The following DPP6 variants were observed in gnomAD, a reference collection of about 807,000 sequenced individuals.
DPP6 encodes dipeptidyl peptidase like 6.
A neutral mutation model predicts 122.6 loss-of-function variants in DPP6; 69 were observed. The ratio of observed to expected loss-of-function variants is 0.56; its 90% CI spans 0.46 to 0.69. DPP6 has a LOEUF of 0.69. DPP6 is among the 30% of genes least tolerant of loss of function. DPP6 has a pLI of 0.00. For missense variants in DPP6, 928 were observed against 1,116.9 expected (o/e 0.83, Z 2.41); for synonymous variants, 418 against 433.1 (o/e 0.97, Z 0.43).
At chr7:154,813,017 A>C (rs1161533821) in intron 16 of DPP6, among the ~76,000 whole-genome samples, 1 of 152,132 alleles carries the variant, frequency 6.6e-6, no homozygotes, top group Non-Finnish European at 1.5e-5. Flanking sequence ...ATACAAACCT[A>C]AAAATTATTT....
the DPP6 span, among the ~76,000 whole-genome samples, chr7:153,804,944 C>CCT: frequency 6.6e-6 from 1 of 152,058 alleles, no homozygotes; most frequent in African/African-American, 2.4e-5. Flanking sequence ...TGACATCAAT[C>CCT]CTGACATTGT....
intron 2 of DPP6, among the ~76,000 whole-genome samples, chr7:154,463,025 G>A (rs553854316): frequency 1.2e-4 from 18 of 151,710 alleles, no homozygotes; most frequent in African/African-American, 3.9e-4. Flanking sequence ...CCAAATATAA[G>A]ATCATATTAT....
At chr7:154,361,914 A>G (rs1457251976) in intron 1 of DPP6, among the ~76,000 whole-genome samples, 1 of 152,224 alleles carries the variant, frequency 6.6e-6, no homozygotes. Flanking sequence ...TGCTGAGTTT[A>G]GGGTCTGCAG....
chr7:153,920,857 C>G (rs1800606765), intron 1 of DPP6, among the ~76,000 whole-genome samples: 1 of 152,096 alleles, frequency 6.6e-6, no homozygotes, highest in Non-Finnish European at 1.5e-5. Flanking sequence ...CCGCGCCTGG[C>G]CCTTTCTTAC....
chr7:154,264,016 T>TTTTC (rs774003185), intron 1 of DPP6, among the ~76,000 whole-genome samples: 11 of 152,184 alleles, frequency 7.2e-5, no homozygotes, highest in Non-Finnish European at 8.8e-5. Flanking sequence ...CTTGGAGGTC[T>TTTTC]GTGGGAACTG....
intron 2 of DPP6, among the ~76,000 whole-genome samples, chr7:154,471,458 G>A (rs1822268186): frequency 6.6e-6 from 1 of 152,080 alleles, no homozygotes; most frequent in African/African-American, 2.4e-5. Context: ...TGGTTTTCAT[G>A]AGAGACCAGG....
At chr7:153,864,670 AATACACAC>A in the DPP6 span, among the ~76,000 whole-genome samples, 1 of 100,504 alleles carries the variant, frequency 9.9e-6, no homozygotes, top group Admixed American at 1.2e-4. Flanking sequence ...AAATAATAAT[AATACACAC>A]ACACACACAC....
chr7:154,177,436 T>C (rs1797860079), intron 1 of DPP6, among the ~76,000 whole-genome samples: 1 of 152,154 alleles, frequency 6.6e-6, no homozygotes, highest in Non-Finnish European at 1.5e-5. Flanking sequence ...GATTTTAAAA[T>C]ATGGGAGTCA....
rs904262753 is a variant in DPP6 at position 154,852,285 on chromosome 7, C to G, written c.1667-1495C>G. On this transcript the variant is annotated intron_variant, in intron 16 of 25. Coordinates refer to ENST00000377770, the MANE Select transcript of DPP6 (RefSeq NM_130797.4). ...GCCCAAGATAGTGTGCATGCTTCAG[C>G]TTTGCTGTGGCCACCCCTTGTGAGT... is the stretch of plus-strand genomic sequence containing the variant. Among the ~76,000 whole-genome samples, 47 of 152,186 alleles carry G rather than the reference C, an allele frequency of 3.1e-4. 1 individual carries two copies. The highest frequency in any genetic ancestry group is 2.6e-3 in the Admixed American group (40 of 15,290).
intron 7 of DPP6, among the ~76,000 whole-genome samples, chr7:154,712,923 A>C (rs1841275200): frequency 6.6e-6 from 1 of 152,198 alleles, no homozygotes; most frequent in Admixed American, 6.5e-5. Context: ...TTAACTCAAA[A>C]GTCCAAGTCC....
At chr7:154,632,168 C>T (rs115636091) in intron 5 of DPP6, among the ~76,000 whole-genome samples, 2,772 of 152,244 alleles carry the variant, frequency 0.018, 73 homozygotes, top group African/African-American at 0.062. Context: ...TGGTGATTGG[C>T]GCAAGAGTAG....
At chr7:153,780,267 G>A in the DPP6 span, among the ~76,000 whole-genome samples, 3 of 152,262 alleles carry the variant, frequency 2.0e-5, no homozygotes, top group South Asian at 6.2e-4. Context: ...TTCAAATAGA[G>A]AAATGATTCC....
chr7:154,722,701 A>G (rs1164008839), intron 7 of DPP6, among the ~76,000 whole-genome samples: 3 of 152,002 alleles, frequency 2.0e-5, no homozygotes, highest in African/African-American at 7.3e-5. Context: ...GGCCTTGGGG[A>G]TGGTGCGTGG....
intron 1 of DPP6, among the ~76,000 whole-genome samples, chr7:154,275,524 C>T (rs180734417): frequency 5.3e-5 from 8 of 152,242 alleles, no homozygotes; most frequent in African/African-American, 1.9e-4. Context: ...GTCCTTGTTC[C>T]AAATTGAGAA....
chr7:154,418,225 C>G (rs1817188275), intron 1 of DPP6, among the ~76,000 whole-genome samples: 1 of 152,254 alleles, frequency 6.6e-6, no homozygotes, highest in African/African-American at 2.4e-5. Flanking sequence ...CAGCCCTGTT[C>G]CAAATCAGGA....
intron 1 of DPP6, among the ~76,000 whole-genome samples, chr7:153,958,720 A>G (rs1487456133): frequency 6.6e-6 from 1 of 152,178 alleles, no homozygotes; most frequent in East Asian, 1.9e-4. Flanking sequence ...AGGAACAGAC[A>G]CTACAACAAA....
intron 16 of DPP6, among the ~76,000 whole-genome samples, chr7:154,831,198 C>T (rs1800603658): frequency 6.6e-6 from 1 of 152,228 alleles, no homozygotes; most frequent in African/African-American, 2.4e-5. Context: ...GACCAGTCGT[C>T]CACTGTGGAG....
At chr7:154,061,464 C>T (rs1455849540) in intron 1 of DPP6, among the ~76,000 whole-genome samples, 3 of 146,858 alleles carry the variant, frequency 2.0e-5, no homozygotes, top group Non-Finnish European at 3.0e-5. Context: ...TAAAGGATGG[C>T]CCCCCTATTA....
chr7:154,125,892 G>C (rs1807846023), intron 1 of DPP6, among the ~76,000 whole-genome samples: 2 of 152,194 alleles, frequency 1.3e-5, no homozygotes, highest in Admixed American at 6.5e-5. Flanking sequence ...GTGTTTGCCA[G>C]CTTTGTGGTA....
Sources: gnomAD v4.1 joint callset for allele counts (sites outside exome capture counted in the v4.1 genomes callset) on GRCh38, gnomAD v4.1.1 for gene constraint, MANE v1.5 for transcripts, NCBI Gene and HGNC (gene_info 2026-07-23, HGNC 2026-07-21) for gene names.